The following RTN1 variants were observed in gnomAD, a reference collection of about 807,000 sequenced individuals.
RTN1 encodes reticulon 1, also known as reticulon-1.
Under a neutral mutation model 65.5 loss-of-function variants are expected in RTN1, and 25 were observed. The ratio of observed to expected loss-of-function variants is 0.38; its 90% CI spans 0.28 to 0.53. The LOEUF is 0.53. Among genes scored for constraint, RTN1 ranks in the 20% least tolerant of loss-of-function variants. RTN1 has a pLI of 0.79. For missense variants in RTN1, 983 were observed against 1,025.4 expected (o/e 0.96, Z 0.57); for synonymous variants, 471 against 447.6 (o/e 1.05, Z -0.66).
chr14:59,709,917 G>T (rs1357716874), intron 3 of RTN1, among the ~76,000 whole-genome samples: 1 of 151,946 alleles, frequency 6.6e-6, no homozygotes, highest in African/African-American at 2.4e-5. Context: ...TTCAAAGTTA[G>T]CTTCCCATAA....
intron 5 of RTN1, 191 bp from the exon 6 acceptor site, chr14:59,604,112 T>G: frequency 2.5e-6 from 1 of 398,384 alleles, no homozygotes; most frequent in Non-Finnish European, 4.7e-6. Flanking sequence ...TTGGAACTAT[T>G]TGGATCACTT....
intron 3 of RTN1, among the ~76,000 whole-genome samples, chr14:59,697,809 G>C (rs940053801): frequency 6.6e-6 from 1 of 152,156 alleles, no homozygotes; most frequent in African/African-American, 2.4e-5. Flanking sequence ...TCTTCAGGTT[G>C]AATCAGTAGA....
At chr14:59,864,917 C>T (rs756064299) in intron 1 of RTN1, among the ~76,000 whole-genome samples, 1 of 151,776 alleles carries the variant, frequency 6.6e-6, no homozygotes, top group African/African-American at 2.4e-5. Context: ...TTTTTTTCAT[C>T]GCAATGCTAC....
chr14:59,679,624 T>C (rs1042556182), intron 3 of RTN1, among the ~76,000 whole-genome samples: 1 of 152,210 alleles, frequency 6.6e-6, no homozygotes, highest in African/African-American at 2.4e-5. Flanking sequence ...TTGTTAATCA[T>C]TGTCACTGCA....
intron 1 of RTN1, among the ~76,000 whole-genome samples, chr14:59,771,922 C>T (rs1019396204): frequency 6.6e-6 from 1 of 152,170 alleles, no homozygotes; most frequent in Non-Finnish European, 1.5e-5. Flanking sequence ...GAAGAAATAT[C>T]TGCATTTAAA....
chr14:59,827,775 A>G (rs1382057573), intron 1 of RTN1, among the ~76,000 whole-genome samples: 2 of 152,188 alleles, frequency 1.3e-5, no homozygotes, highest in East Asian at 3.9e-4. Flanking sequence ...CCTGTCTGAC[A>G]CCAGATGATA....
chr14:59,789,498 A>G (rs1165424391), intron 1 of RTN1, among the ~76,000 whole-genome samples: 2 of 152,198 alleles, frequency 1.3e-5, no homozygotes, highest in Non-Finnish European at 1.5e-5. Flanking sequence ...AAAATTAATT[A>G]TAATGAATAC....
chr14:59,628,273 A>G (rs1882453715), intron 3 of RTN1, among the ~76,000 whole-genome samples: 1 of 152,210 alleles, frequency 6.6e-6, no homozygotes, highest in South Asian at 2.1e-4. Context: ...TTGAATCAGA[A>G]TCTCAAAAGG....
chr14:59,715,798 C>CA (rs1884521270), intron 3 of RTN1, among the ~76,000 whole-genome samples: 1 of 150,234 alleles, frequency 6.7e-6, no homozygotes, highest in Admixed American at 6.7e-5. Context: ...TGCACTCCAG[C>CA]CTGGGCAACA....
intron 3 of RTN1, among the ~76,000 whole-genome samples, chr14:59,711,203 C>G (rs1884411831): frequency 6.6e-6 from 1 of 152,206 alleles, no homozygotes; most frequent in East Asian, 1.9e-4. Flanking sequence ...TTTCAACAGA[C>G]TGGTCTTGTG....
intron 1 of RTN1, among the ~76,000 whole-genome samples, chr14:59,817,372 A>T (rs994446185): frequency 6.6e-6 from 1 of 152,208 alleles, no homozygotes; most frequent in African/African-American, 2.4e-5. Context: ...ACACTAAACA[A>T]GACCAACCTG....
chr14:59,821,918 T>C (rs1429640027), intron 1 of RTN1, among the ~76,000 whole-genome samples: 2 of 152,180 alleles, frequency 1.3e-5, no homozygotes, highest in African/African-American at 2.4e-5. Context: ...AATTTGCTAG[T>C]ATTTTGTTGA....
At chr14:59,688,208 A>T (rs1267606731) in intron 3 of RTN1, among the ~76,000 whole-genome samples, 1 of 152,118 alleles carries the variant, frequency 6.6e-6, no homozygotes, top group Non-Finnish European at 1.5e-5. Flanking sequence ...CTTTGTGCAG[A>T]GATTCTGGTG....
In RTN1 at chr14:59,740,912, AATAGGAAAATTGAGAG is replaced by A. The variant is rs369719751; in HGVS notation, c.1015+4780_1015+4795del. On this transcript the variant is annotated intron_variant, in intron 2 of 8. Transcript: ENST00000267484. ...AGAGTCACCTAAAATCATCAGATAA[AATAGGAAAATTGAGAG>A]ATAAGAAAGGCACCCCAGGGTGATG... Among the ~76,000 whole-genome samples, 335 of 152,306 alleles carry A rather than the reference AATAGGAAAATTGAGAG, an allele frequency of 2.2e-3. 1 individual carries two copies. The highest frequency in any genetic ancestry group is 7.7e-3 in the African/African-American group (322 of 41,562).
intron 2 of RTN1, among the ~76,000 whole-genome samples, chr14:59,742,662 C>A (rs996658794): frequency 2.0e-5 from 3 of 152,146 alleles, no homozygotes; most frequent in Admixed American, 2.0e-4. Flanking sequence ...TTGATGATTT[C>A]CTTATTTATT....
In RTN1 at chr14:59,727,740, G is replaced by A. The variant is rs1021029032; in HGVS notation, c.1016-72C>T. 2 of 1,488,634 alleles carry A rather than the reference G, an allele frequency of 1.3e-6. No individual in the cohort carries two copies. Among genetic ancestry groups the A allele is most frequent in the Middle Eastern group, 1.8e-4 (1 of 5,558 alleles). The allele number at this position is 1,488,634 out of a possible 1,614,324, so 92.2% of individuals were successfully genotyped here. A position where few individuals can be genotyped will look rare whatever the true frequency, so the allele number is the denominator to read the frequency against. ...ACAGACAGATGGACAGAGAGAGGAG[G>A]GATAAAACAAAATTCCATTAGGCGA... On this transcript the variant is annotated intron_variant, in intron 2 of 8. Coordinates refer to ENST00000267484, the MANE Select transcript of RTN1 (RefSeq NM_021136.3). This position sits in a 1 kb window ranked among gnomAD's most constrained non-coding sequence, Gnocchi z 4.2.
At chr14:59,606,205 C>A (rs1451378809) in intron 4 of RTN1, 1 of 150,538 alleles carries the variant, frequency 6.6e-6, no homozygotes, top group Non-Finnish European at 1.5e-5. Context: ...TCCTGCCTCC[C>A]CTCTGCTCTA....
At chr14:59,701,526 G>C (rs749836441) in intron 3 of RTN1, among the ~76,000 whole-genome samples, 14 of 152,150 alleles carry the variant, frequency 9.2e-5, no homozygotes, top group African/African-American at 3.4e-4. Flanking sequence ...CTATAACATG[G>C]ATGAACCCTG....
At chr14:59,713,219 G>A (rs986813548) in intron 3 of RTN1, among the ~76,000 whole-genome samples, 1 of 152,180 alleles carries the variant, frequency 6.6e-6, no homozygotes, top group Non-Finnish European at 1.5e-5. Flanking sequence ...AAGGGGATGT[G>A]CAATCAAAAC....
Sources: allele counts gnomAD v4.1 joint callset (sites outside exome capture counted in the v4.1 genomes callset), GRCh38; gene constraint gnomAD v4.1.1; non-coding constraint Gnocchi (gnomAD v3.1); transcripts MANE v1.5; gene names NCBI Gene and HGNC (gene_info 2026-07-23, HGNC 2026-07-21).